Variants in SYNE2 observed in about 807,000 individuals in gnomAD.
SYNE2 encodes the protein spectrin repeat containing nuclear envelope protein 2, also known as nesprin-2.
In SYNE2, 431 loss-of-function variants were observed where a neutral mutation model predicts 856.3. The ratio of observed to expected loss-of-function variants is 0.50; its 90% CI spans 0.47 to 0.55. The LOEUF is 0.55. SYNE2 is among the 20% of genes least tolerant of loss of function. The pLI, the probability that SYNE2 is intolerant of heterozygous loss-of-function variation, is 0.00. For synonymous variants in SYNE2, 2,923 were observed against 2,872.3 expected, an observed-to-expected ratio of 1.02 and a Z score of -0.56; for missense variants, 8,129 against 8,023.2, an observed-to-expected ratio of 1.01 and a Z score of -0.50.
chr14:64,164,493 C>T (rs1417681541), intron 89 of SYNE2, among the ~76,000 whole-genome samples: 3 of 152,156 alleles, frequency 2.0e-5, no homozygotes, highest in Non-Finnish European at 4.4e-5. Context: ...AAGTGATCTA[C>T]CCACCTTGGC....
chr14:63,840,201 T>C (rs1890001640), intron 1 of SYNE2, among the ~76,000 whole-genome samples: 1 of 151,318 alleles, frequency 6.6e-6, no homozygotes, highest in Admixed American at 6.6e-5. Context: ...ACCTGGGAGG[T>C]TGGAGGTTGC....
In SYNE2 at chr14:63,990,539, A is replaced by G; in HGVS notation, c.2442A>G (p.Ala814=). 1 of 1,614,010 alleles carries G rather than the reference A, an allele frequency of 6.2e-7. No individual in the cohort carries two copies. Among genetic ancestry groups the G allele is most frequent in the Non-Finnish European group, 8.5e-7 (1 of 1,179,960 alleles). The change falls in exon 20 of 116, where the codon GCA becomes GCG. Residue 814 remains alanine (A), a synonymous_variant. Coordinates refer to ENST00000555002, the MANE Select transcript of SYNE2 (RefSeq NM_182914.3). ...ATGTTCTCACAACTGGGCTTCAGGC[A>G]AAGATTCAAGAAGCTAAAGAGAAAG... is the stretch of plus-strand genomic sequence containing the variant. ...FQHVLTTGLQ[A]KIQEAKEKVQ... is the part of the protein sequence containing the mutation.
chr14:63,778,658 G>T (rs1887195822), intron 1 of SYNE2, among the ~76,000 whole-genome samples: 1 of 152,036 alleles, frequency 6.6e-6, no homozygotes, highest in Admixed American at 6.6e-5. Context: ...GGGACTACAG[G>T]CATGCACCAC....
intron 2 of SYNE2, among the ~76,000 whole-genome samples, chr14:63,922,959 C>T (rs2095618861): frequency 1.3e-5 from 2 of 152,198 alleles, no homozygotes; most frequent in South Asian, 4.1e-4. Context: ...ACTCAGAAGT[C>T]AGAGGTGCTT....
intron 80 of SYNE2, 77 bp downstream of exon 80, chr14:64,140,150 G>A (rs2098128282): frequency 1.4e-6 from 2 of 1,436,128 alleles, no homozygotes; most frequent in African/African-American, 2.8e-5. Context: ...GGGTTGATGT[G>A]ATAGTCTTCG....
intron 31 of SYNE2, 151 bp downstream of exon 31, chr14:64,007,373 T>G (rs1311510108): frequency 1.3e-6 from 1 of 770,944 alleles, no homozygotes; most frequent in African/African-American, 1.7e-5. Context: ...GGCCAGTGTC[T>G]GGGACAAGAC....
chr14:63,815,156 ATCCATATATATC>A (rs1481843600), intron 1 of SYNE2, among the ~76,000 whole-genome samples: 1,274 of 76,780 alleles, frequency 0.017, 75 homozygotes, highest in African/African-American at 0.055. Flanking sequence ...ACACATATAT[ATCCATATATATC>A]CACATATATA....
intron 78 of SYNE2, among the ~76,000 whole-genome samples, chr14:64,135,021 C>CT (rs200044272): frequency 8.5e-6 from 1 of 117,952 alleles, no homozygotes; most frequent in East Asian, 2.8e-4. Context: ...AACTTTTAAA[C>CT]TTTTTTGTGT....
chr14:64,094,624 A>G (rs1002993375), intron 61 of SYNE2, among the ~76,000 whole-genome samples: 3 of 152,242 alleles, frequency 2.0e-5, no homozygotes, highest in African/African-American at 7.2e-5. Context: ...TTTGACATCT[A>G]CAGTGAAGTA....
At chr14:64,069,447 G>A (rs567596374) in intron 51 of SYNE2, among the ~76,000 whole-genome samples, 5 of 152,136 alleles carry the variant, frequency 3.3e-5, no homozygotes, top group African/African-American at 1.2e-4. Context: ...ATCTGCATCC[G>A]TGTATTCTAG....
intron 2 of SYNE2, among the ~76,000 whole-genome samples, chr14:63,936,400 G>A (rs1296167820): frequency 6.6e-6 from 1 of 152,044 alleles, no homozygotes; most frequent in Non-Finnish European, 1.5e-5. Flanking sequence ...AGCAGGACAA[G>A]AGGGATCGGG....
At chr14:64,215,416 A>T in intron 107 of SYNE2, 62 bp downstream of exon 107, 1 of 1,518,832 alleles carries the variant, frequency 6.6e-7, no homozygotes, top group Non-Finnish European at 9.1e-7. Flanking sequence ...CTGCATCCTC[A>T]ACCTCGCTCC....
chr14:64,215,859 G>A (rs1333115658), intron 107 of SYNE2: 1 of 990,096 alleles, frequency 1.0e-6, no homozygotes, highest in African/African-American at 1.7e-5. Context: ...GTGGGTCGGG[G>A]AGAGCCCTGA....
chr14:64,112,782 G>A (rs1371834476), intron 65 of SYNE2, among the ~76,000 whole-genome samples: 1 of 152,056 alleles, frequency 6.6e-6, no homozygotes. Context: ...TTTTATTAGG[G>A]AAAAATTTAG....
intron 57 of SYNE2, among the ~76,000 whole-genome samples, chr14:64,087,132 T>C (rs1354566654): frequency 6.7e-6 from 1 of 149,546 alleles, no homozygotes; most frequent in African/African-American, 2.4e-5. Flanking sequence ...TTAAGTTTTG[T>C]TTTCCTAAAA....
chr14:64,022,483 A>C (rs1022313932), intron 37 of SYNE2, among the ~76,000 whole-genome samples: 1 of 152,116 alleles, frequency 6.6e-6, no homozygotes, highest in Non-Finnish European at 1.5e-5. Flanking sequence ...CTGTAATTCT[A>C]GCACTTTGGG....
intron 1 of SYNE2, among the ~76,000 whole-genome samples, chr14:63,824,405 G>A (rs532879804): frequency 1.1e-4 from 16 of 152,092 alleles, no homozygotes; most frequent in African/African-American, 3.4e-4. Flanking sequence ...TTGGGAGGCC[G>A]AGGTGGGTGG....
At chr14:63,947,938 T>G (rs2096061766) in intron 6 of SYNE2, among the ~76,000 whole-genome samples, 1 of 152,206 alleles carries the variant, frequency 6.6e-6, no homozygotes, top group African/African-American at 2.4e-5. Context: ...AAGCTCCATT[T>G]TCAAATGACC....
intron 2 of SYNE2, among the ~76,000 whole-genome samples, chr14:63,914,703 T>C (rs1260355424): frequency 1.3e-5 from 2 of 152,150 alleles, no homozygotes; most frequent in East Asian, 3.8e-4. Flanking sequence ...GGCTCCAAGG[T>C]TTTGAAGTTG....
Sources: gnomAD v4.1 joint callset for allele counts (sites outside exome capture counted in the v4.1 genomes callset) on GRCh38, gnomAD v4.1.1 for gene constraint, MANE v1.5 for transcripts, NCBI Gene and HGNC (gene_info 2026-07-23, HGNC 2026-07-21) for gene names.